Variants in DLG2 observed in about 807,000 individuals in gnomAD.
DLG2 encodes discs large MAGUK scaffold protein 2, also known as disks large homolog 2.
In DLG2, 45 loss-of-function variants were observed where a neutral mutation model predicts 132.5. The ratio of observed to expected loss-of-function variants is 0.34; its 90% confidence interval spans 0.27 to 0.44. The LOEUF (loss-of-function observed/expected upper bound fraction) is 0.44, where lower values mean the gene tolerates loss of function less well. Ranked by LOEUF, DLG2 falls within the 20% of genes least tolerant of loss-of-function variation. DLG2 has a pLI of 1.00. For missense variants in DLG2, 1,045 were observed against 1,196.9 expected, an observed-to-expected ratio of 0.87 and a Z score of 1.87; for synonymous variants, 424 against 419.6, an observed-to-expected ratio of 1.01 and a Z score of -0.13.
At chr11:83,722,619 C>G (rs2088930551) in intron 18 of DLG2, among the ~76,000 whole-genome samples, 1 of 152,110 alleles carries the variant, frequency 6.6e-6, no homozygotes, top group Non-Finnish European at 1.5e-5. Context: ...AGCTGTAATG[C>G]CAGATACATA....
chr11:84,520,983 G>T (rs1447778768), intron 7 of DLG2, among the ~76,000 whole-genome samples: 2 of 152,292 alleles, frequency 1.3e-5, no homozygotes, highest in East Asian at 3.9e-4. Flanking sequence ...ATCCCATAGA[G>T]AAATAATAGC....
chr11:84,502,329 T>C (rs369238600), intron 7 of DLG2, among the ~76,000 whole-genome samples: 11 of 19,788 alleles, frequency 5.6e-4, no homozygotes, highest in South Asian at 1.6e-3. Context: ...TTTCTTTCTT[T>C]CTTTCTTTCT....
intron 3 of DLG2, among the ~76,000 whole-genome samples, chr11:85,302,891 C>T (rs1158081439): frequency 1.3e-5 from 2 of 152,126 alleles, no homozygotes; most frequent in East Asian, 3.9e-4. Context: ...AATTCAAATG[C>T]ATTATTCTAC....
At chr11:83,809,956 T>C (rs1490481186) in intron 17 of DLG2, among the ~76,000 whole-genome samples, 2 of 152,120 alleles carry the variant, frequency 1.3e-5, no homozygotes, top group African/African-American at 4.8e-5. Flanking sequence ...GAAAGTCAGG[T>C]AAACCAGGAA....
chr11:84,017,254 T>C (rs12789666), intron 11 of DLG2, among the ~76,000 whole-genome samples: 3,361 of 152,156 alleles, frequency 0.022, 67 homozygotes, highest in Middle Eastern at 0.034. Context: ...ATTTGAATAA[T>C]GCATTACATA....
At chr11:85,194,924 C>T (rs2080914508) in intron 4 of DLG2, among the ~76,000 whole-genome samples, 1 of 152,192 alleles carries the variant, frequency 6.6e-6, no homozygotes, top group African/African-American at 2.4e-5. Context: ...CTAGGTCTCA[C>T]TTCCATCATA....
chr11:85,468,698 C>T (rs187096820), intron 3 of DLG2, among the ~76,000 whole-genome samples: 1,574 of 152,222 alleles, frequency 0.01, 27 homozygotes, highest in African/African-American at 0.036. Flanking sequence ...AATTTCTGTT[C>T]TTTTACATTT....
At chr11:84,799,010 G>C (rs1159153176) in intron 6 of DLG2, among the ~76,000 whole-genome samples, 2 of 152,144 alleles carry the variant, frequency 1.3e-5, no homozygotes, top group South Asian at 2.1e-4. Context: ...TTCATTGCTA[G>C]AAGCTGCACT....
chr11:85,460,364 T>G (rs955806816), intron 3 of DLG2, among the ~76,000 whole-genome samples: 11 of 152,126 alleles, frequency 7.2e-5, no homozygotes, highest in African/African-American at 2.4e-4. Flanking sequence ...TCTGGTGGGG[T>G]AGGCTTATGC....
intron 18 of DLG2, among the ~76,000 whole-genome samples, chr11:83,736,212 C>T (rs566860637): frequency 2.6e-5 from 4 of 152,242 alleles, no homozygotes; most frequent in South Asian, 2.1e-4. Flanking sequence ...TGAGCCAAAC[C>T]GCTCAGGTTC....
chr11:84,821,412 A>G (rs1191626415), intron 6 of DLG2, among the ~76,000 whole-genome samples: 1 of 151,784 alleles, frequency 6.6e-6, no homozygotes, highest in African/African-American at 2.4e-5. Context: ...CCATATATAA[A>G]TGAATAAACG....
At chr11:84,474,359 T>A (rs2099116239) in intron 7 of DLG2, among the ~76,000 whole-genome samples, 1 of 152,096 alleles carries the variant, frequency 6.6e-6, no homozygotes. Context: ...AATGATTTGA[T>A]GATATTATTA....
At chr11:84,400,052 C>A (rs2098824351) in intron 7 of DLG2, among the ~76,000 whole-genome samples, 1 of 152,160 alleles carries the variant, frequency 6.6e-6, no homozygotes, top group African/African-American at 2.4e-5. Flanking sequence ...GCTGTGTTTA[C>A]CTACTGGGGG....
intron 3 of DLG2, among the ~76,000 whole-genome samples, chr11:85,511,357 A>G (rs1026330847): frequency 3.3e-5 from 5 of 152,012 alleles, no homozygotes; most frequent in Non-Finnish European, 5.9e-5. Flanking sequence ...ATGTACCCTA[A>G]AACTTAAAGT....
intron 6 of DLG2, among the ~76,000 whole-genome samples, chr11:84,945,110 T>C (rs548828920): frequency 2.8e-4 from 43 of 152,326 alleles, no homozygotes; most frequent in African/African-American, 1.0e-3. Context: ...TTGGTCAATG[T>C]CTGGACATTG....
chr11:83,463,913 CTG>C (rs2090528692), intron 26 of DLG2, among the ~76,000 whole-genome samples: 1 of 152,294 alleles, frequency 6.6e-6, no homozygotes, highest in Non-Finnish European at 1.5e-5. Flanking sequence ...ATTCTCTGAC[CTG>C]TGAATTTATT....
At chr11:83,831,361 A>C (rs531777983) in intron 17 of DLG2, among the ~76,000 whole-genome samples, 18 of 152,320 alleles carry the variant, frequency 1.2e-4, no homozygotes, top group African/African-American at 4.1e-4. Flanking sequence ...TCCCATACTC[A>C]ACATCCTTCC....
chr11:85,096,174 G>A (rs1032529097), intron 6 of DLG2, among the ~76,000 whole-genome samples: 5 of 152,172 alleles, frequency 3.3e-5, no homozygotes, highest in African/African-American at 1.2e-4. Flanking sequence ...AGCAGGATGT[G>A]GGCGGGGCCA....
chr11:84,078,119 A>G (rs935773080), intron 10 of DLG2, among the ~76,000 whole-genome samples: 15 of 152,270 alleles, frequency 9.9e-5, no homozygotes, highest in Admixed American at 3.9e-4. Flanking sequence ...TTCTTAGTAG[A>G]TTGAGTAGTG....
Sources: allele counts gnomAD v4.1 joint callset (sites outside exome capture counted in the v4.1 genomes callset), GRCh38; gene constraint gnomAD v4.1.1; transcripts MANE v1.5; gene names NCBI Gene and HGNC (gene_info 2026-07-23, HGNC 2026-07-21).